The following PRDM2 variants were observed in gnomAD, a reference collection of about 807,000 sequenced individuals.
PRDM2 encodes PR/SET domain 2, also known as PR domain zinc finger protein 2.
In PRDM2, 30 loss-of-function variants were observed where a neutral mutation model predicts 130.0. The observed-to-expected ratio is 0.23, with a 90% confidence interval of 0.17 to 0.31. The LOEUF is 0.31. Ranked by LOEUF, PRDM2 falls within the 10% of genes least tolerant of loss-of-function variation. The probability of loss-of-function intolerance (pLI) is 1.00; values close to 1 mark genes in which losing one functional copy is unlikely to be tolerated. For synonymous variants in PRDM2, 871 were observed against 782.4 expected (o/e 1.11, Z -1.89); for missense variants, 2,011 against 2,108.4 (o/e 0.95, Z 0.90).
chr1:13,794,337 G>A (rs1227791261), intron 8 of PRDM2, among the ~76,000 whole-genome samples: 1 of 152,096 alleles, frequency 6.6e-6, no homozygotes, highest in Non-Finnish European at 1.5e-5. Context: ...TGTACATTCT[G>A]TTATGGACTC....
chr1:13,731,417 CA>C (rs1643106734), intron 3 of PRDM2, among the ~76,000 whole-genome samples: 1 of 152,184 alleles, frequency 6.6e-6, no homozygotes. Context: ...AGCCTCACCC[CA>C]CAGAACGTGT....
intron 8 of PRDM2, among the ~76,000 whole-genome samples, chr1:13,785,339 TAC>T (rs1644712047): frequency 6.6e-6 from 1 of 152,224 alleles, no homozygotes; most frequent in Non-Finnish European, 1.5e-5. Flanking sequence ...AGGGATTTCT[TAC>T]AGAACAGGCA....
chr1:13,779,346 A>G lies in PRDM2; in HGVS notation c.1551A>G (p.Arg517=). ...ATCTGATTCCCAAAGGTGTACGGCGAAAAGGAGGCCTTGAAGAGCCCCAGC... is the reference window on the plus strand; with the variant it reads ...ATCTGATTCCCAAAGGTGTACGGCGGAAAGGAGGCCTTGAAGAGCCCCAGC... ...ERHLIPKGVR[R]KGGLEEPQPP... The change falls in exon 8 of 10, where the codon CGA becomes CGG. Residue 517 remains arginine (R), a synonymous_variant. Transcript: ENST00000311066. The surrounding 1 kb of genome is among the most constrained non-coding windows in gnomAD (Gnocchi z 4.9). The G allele has an allele frequency of 6.2e-7, 1 of 1,614,172 alleles. No individual in the cohort carries two copies. The highest frequency in any genetic ancestry group is 8.5e-7 in the Non-Finnish European group (1 of 1,180,032).
chr1:13,774,554 C>T (rs925334101), intron 7 of PRDM2, among the ~76,000 whole-genome samples: 2 of 152,014 alleles, frequency 1.3e-5, no homozygotes, highest in Admixed American at 1.3e-4. Flanking sequence ...TTTTGAACAA[C>T]AAAAATTACT....
rs528153789 is a variant in PRDM2, at chr1:13,785,984, G to A, written c.5036+3153G>A. ...CTCCCGAGTAGCTGGGACTACAGGT[G>A]CCCGCCACCATGCCCGGCTAATTTT... On this transcript the variant is annotated intron_variant, in intron 8 of 9. Transcript: ENST00000311066. Among the ~76,000 whole-genome samples, 267 of 151,700 alleles carry A rather than the reference G, an allele frequency of 1.8e-3. 2 individuals are homozygous for A. The highest frequency in any genetic ancestry group is 6.2e-3 in the African/African-American group (257 of 41,340).
At chr1:13,724,714 C>T (rs1162393398) in intron 2 of PRDM2, among the ~76,000 whole-genome samples, 1 of 151,992 alleles carries the variant, frequency 6.6e-6, no homozygotes, top group Non-Finnish European at 1.5e-5. Flanking sequence ...AGGATGGTCT[C>T]GATCTCCTGA....
chr1:13,716,821 T>C (rs1474569592), intron 2 of PRDM2, among the ~76,000 whole-genome samples: 10 of 152,364 alleles, frequency 6.6e-5, no homozygotes, highest in Non-Finnish European at 1.5e-5. Flanking sequence ...GCACTTACTT[T>C]TAAAATATGA....
Position 13,780,581 on chromosome 1 carries a change from C to G in PRDM2, c.2786C>G (p.Pro929Arg), listed in dbSNP as rs151171355. 14 of 1,613,990 alleles carry G rather than the reference C, an allele frequency of 8.7e-6. No individual in the cohort carries two copies. The highest frequency in any genetic ancestry group is 2.2e-5 in the East Asian group (1 of 44,894). Residue 929 changes from proline (P) to arginine (R), a missense_variant, in exon 8 of 10, where the codon CCG (proline) becomes CGG (arginine). Pro to Arg is a moderately radical substitution (Grantham distance 103, BLOSUM62 -2). This residue lies in a region of PRDM2 where 1,288 missense variants were observed against 1,237.7 expected (regional missense o/e 1.04). Transcript: ENST00000311066. ...GCTCAGCCAGATCCTGACCTCGGTCCGGGCTCTGGTTTCCCTGCCCCTACT... is the reference window on the plus strand; with the variant it reads ...GCTCAGCCAGATCCTGACCTCGGTCGGGGCTCTGGTTTCCCTGCCCCTACT... ...LEAQPDPDLGPGSGFPAPTVE... is the reference protein window; with the variant it reads ...LEAQPDPDLGRGSGFPAPTVE...
At chr1:13,809,450 T>A (rs920459751) in intron 8 of PRDM2, among the ~76,000 whole-genome samples, 22 of 151,804 alleles carry the variant, frequency 1.4e-4, no homozygotes, top group African/African-American at 4.6e-4. Context: ...CCGTGTTGAG[T>A]CTCAGGTCTC....
chr1:13,802,697 C>T (rs976360360), intron 8 of PRDM2, among the ~76,000 whole-genome samples: 1 of 152,226 alleles, frequency 6.6e-6, no homozygotes, highest in African/African-American at 2.4e-5. Context: ...AAAAAGGGCT[C>T]TTCTGCTGGA....
At chr1:13,778,301 A>AT in intron 7 of PRDM2, 117 bp from the exon 8 acceptor site, 1 of 1,056,122 alleles carries the variant, frequency 9.5e-7, no homozygotes, top group East Asian at 2.4e-5. Flanking sequence ...ATTGTTCATC[A>AT]TCATCTCCCT....
At chr1:13,746,545 T>G (rs896355384) in intron 5 of PRDM2, among the ~76,000 whole-genome samples, 1 of 150,390 alleles carries the variant, frequency 6.6e-6, no homozygotes, top group Non-Finnish European at 1.5e-5. Flanking sequence ...TATTTATTTA[T>G]TTATTTATTT....
intron 1 of PRDM2, among the ~76,000 whole-genome samples, chr1:13,709,127 A>G (rs955072027): frequency 1.3e-5 from 2 of 151,312 alleles, no homozygotes; most frequent in Non-Finnish European, 2.9e-5. Flanking sequence ...ACATGTTTTC[A>G]TATTGACATC....
intron 1 of PRDM2, among the ~76,000 whole-genome samples, chr1:13,714,995 A>G (rs898817622): frequency 2.6e-5 from 4 of 152,220 alleles, no homozygotes; most frequent in Non-Finnish European, 5.9e-5. Flanking sequence ...TAAAGGGACA[A>G]TGTAGCTGTT....
At chr1:13,739,334 C>T (rs887249249) in intron 4 of PRDM2, among the ~76,000 whole-genome samples, 4 of 152,174 alleles carry the variant, frequency 2.6e-5, no homozygotes, top group African/African-American at 4.8e-5. Flanking sequence ...AGGCGTGAAC[C>T]ACCGTGCCTG....
At position 13,823,687 on chromosome 1, in the gene PRDM2, A is replaced by G. The variant is rs1233404190; in HGVS notation, c.*552A>G. 1 of 154,850 alleles carries G rather than the reference A, an allele frequency of 6.5e-6. No homozygotes were observed. Among genetic ancestry groups the G allele is most frequent in the Non-Finnish European group, 1.4e-5 (1 of 69,794 alleles). 9.6% of individuals were successfully genotyped at this position (154,850 alleles called of 1,614,324 possible). A position where few individuals can be genotyped will look rare whatever the true frequency, so the allele number is the denominator to read the frequency against. On this transcript the variant is annotated 3_prime_UTR_variant, in exon 10 of 10. Coordinates refer to ENST00000311066, the MANE Select transcript of PRDM2 (RefSeq NM_001393986.1). ...TGACACGTTGGAGCCGAGCCTGAACATGCCCCTCGGCCCCAGCACATGGAA... is the reference window on the plus strand; with the variant it reads ...TGACACGTTGGAGCCGAGCCTGAACGTGCCCCTCGGCCCCAGCACATGGAA...
At chr1:13,702,590 A>G (rs982579116) in intron 1 of PRDM2, among the ~76,000 whole-genome samples, 27 of 152,260 alleles carry the variant, frequency 1.8e-4, no homozygotes, top group Admixed American at 3.3e-4. Context: ...ATGTACATAT[A>G]TCTGCGCCTA....
chr1:13,740,135 G>A (rs1417064964), intron 4 of PRDM2, among the ~76,000 whole-genome samples: 2 of 152,174 alleles, frequency 1.3e-5, no homozygotes, highest in Non-Finnish European at 2.9e-5. Flanking sequence ...AATAAAAATT[G>A]TACTCAACTG....
chr1:13,779,065 C>T lies in PRDM2; in HGVS notation c.1270C>T (p.Leu424=), dbSNP rs1644545604. The T allele has an allele frequency of 1.2e-6, 2 of 1,614,202 alleles. No homozygotes were observed. Among genetic ancestry groups the T allele is most frequent in the South Asian group, 2.2e-5 (2 of 91,090 alleles). ...GTTAAAGCGGAAACCCAGCCAAACA[C>T]TACAGCCGTCAGAGGATCTGGCTGA... The part of the protein sequence containing the change: ...AGLKRKPSQT[L]QPSEDLADGK... Residue 424 remains leucine (L), a synonymous_variant, in exon 8 of 10, where the codon CTA becomes TTA. Coordinates refer to ENST00000311066, the MANE Select transcript of PRDM2 (RefSeq NM_001393986.1). The surrounding 1 kb of genome is among the most constrained non-coding windows in gnomAD (Gnocchi z 4.9).
Sources: allele counts gnomAD v4.1 joint callset (sites outside exome capture counted in the v4.1 genomes callset), GRCh38; gene constraint gnomAD v4.1.1; regional missense constraint gnomAD v4.1.1; non-coding constraint Gnocchi (gnomAD v3.1); transcripts MANE v1.5; gene names NCBI Gene and HGNC (gene_info 2026-07-23, HGNC 2026-07-21).